Variants in RMST observed in about 807,000 individuals in gnomAD.
RMST encodes rhabdomyosarcoma 2 associated transcript.
chr12:97,563,391 A>G (rs1004439676), intron 13 of RMST: 3 of 214,182 alleles, frequency 1.4e-5, no homozygotes, highest in African/African-American at 2.4e-5. Flanking sequence ...TGAAAAGTCT[A>G]AAAGCCAGCA....
At chr12:97,511,134 G>A (rs1015849948) in intron 10 of RMST, among the ~76,000 whole-genome samples, 3 of 151,260 alleles carry the variant, frequency 2.0e-5, no homozygotes, top group Non-Finnish European at 2.9e-5. Flanking sequence ...AACTCTCTGG[G>A]AAATTGTACT....
In RMST at chr12:97,480,082, CTT is replaced by C. The variant is rs1227743397; in HGVS notation, n.645-12374_645-12373del. 1.1e-3 allele frequency among the ~76,000 whole-genome samples: 119 copies of C among 107,890 alleles called. 1 individual carries two copies. The highest frequency in any genetic ancestry group is 1.8e-3 in the Non-Finnish European group (85 of 46,740). 70.8% of individuals were successfully genotyped at this position (107,890 alleles called of 152,430 possible). ...GCTAATTTTTCTTTTCTTTTCTTTTCTTTTTTCTTTTTTTTTCTTTTTTTTTG... is the reference window on the plus strand; with the variant it reads ...GCTAATTTTTCTTTTCTTTTCTTTTCTTTTCTTTTTTTTTCTTTTTTTTTG... On this transcript the variant is annotated intron_variant and non_coding_transcript_variant, in intron 5 of 13. Transcript: ENST00000640149.
At chr12:97,493,604 A>G (rs555984830) in intron 7 of RMST, among the ~76,000 whole-genome samples, 5 of 152,302 alleles carry the variant, frequency 3.3e-5, no homozygotes, top group African/African-American at 9.6e-5. Flanking sequence ...ATTATACGAT[A>G]TAAAAGAGTC....
intron 5 of RMST, among the ~76,000 whole-genome samples, chr12:97,476,793 T>TA (rs1248604352): frequency 3.9e-5 from 6 of 151,980 alleles, no homozygotes; most frequent in Non-Finnish European, 7.4e-5. Flanking sequence ...GTTGAAGATC[T>TA]AAAAAAAGAG....
At chr12:97,511,818 CAT>C (rs1879333503) in intron 10 of RMST, among the ~76,000 whole-genome samples, 1 of 152,178 alleles carries the variant, frequency 6.6e-6, no homozygotes, top group Non-Finnish European at 1.5e-5. Context: ...CATTAAGTCT[CAT>C]AGGCTAACTA....
chr12:97,497,601 T>C (rs941838838), intron 10 of RMST, among the ~76,000 whole-genome samples: 6 of 152,114 alleles, frequency 3.9e-5, no homozygotes, highest in African/African-American at 1.4e-4. Flanking sequence ...GTTTGTTTAG[T>C]GCTTTCTGGT....
chr12:97,559,112 C>G (rs180987381), intron 11 of RMST, among the ~76,000 whole-genome samples: 57 of 151,938 alleles, frequency 3.8e-4, no homozygotes, highest in Non-Finnish European at 1.2e-4. Context: ...CTCTCTCTCT[C>G]TCTCTCTGAT....
At chr12:97,490,165 C>T (rs1459281600) in intron 5 of RMST, among the ~76,000 whole-genome samples, 2 of 152,098 alleles carry the variant, frequency 1.3e-5, no homozygotes, top group Non-Finnish European at 2.9e-5. Flanking sequence ...ATGAGCCTGG[C>T]GGACGGACAG....
chr12:97,539,760 G>A (rs1165706493), intron 11 of RMST, among the ~76,000 whole-genome samples: 1 of 151,512 alleles, frequency 6.6e-6, no homozygotes, highest in East Asian at 1.9e-4. Context: ...TCGGAACCAG[G>A]GTTATGAAAT....
chr12:97,486,328 C>T (rs1350648567), intron 5 of RMST, among the ~76,000 whole-genome samples: 1 of 117,368 alleles, frequency 8.5e-6, no homozygotes, highest in Non-Finnish European at 1.8e-5. Context: ...AAACAAGCTG[C>T]CCTAATGTGA....
chr12:97,551,951 T>C (rs1014555087), intron 11 of RMST: 1 of 152,110 alleles, frequency 6.6e-6, no homozygotes, highest in Non-Finnish European at 1.5e-5. Context: ...TATTTAACAT[T>C]GTGACATTGA....
intron 10 of RMST, among the ~76,000 whole-genome samples, chr12:97,506,547 G>T (rs1345337746): frequency 6.6e-6 from 1 of 152,106 alleles, no homozygotes; most frequent in Non-Finnish European, 1.5e-5. Context: ...TCAATAAATT[G>T]CCAGACAAAG....
chr12:97,511,733 A>G (rs1211103991), intron 10 of RMST, among the ~76,000 whole-genome samples: 1 of 152,178 alleles, frequency 6.6e-6, no homozygotes, highest in Non-Finnish European at 1.5e-5. Context: ...TTAAAAATGG[A>G]ATGATTGATC....
intron 11 of RMST, among the ~76,000 whole-genome samples, chr12:97,556,385 C>A (rs1235832326): frequency 6.6e-6 from 1 of 152,194 alleles, no homozygotes; most frequent in Non-Finnish European, 1.5e-5. Context: ...TAAAAGGCAG[C>A]TGGGCGGCCT....
chr12:97,526,211 A>G lies in RMST; in HGVS notation n.1341-4444A>G, dbSNP rs1311526447. Among the ~76,000 whole-genome samples, 7 of 152,128 alleles carry G rather than the reference A, an allele frequency of 4.6e-5. 1 individual carries two copies. Among genetic ancestry groups the G allele is most frequent in the African/African-American group, 1.7e-4 (7 of 41,448 alleles). On this transcript the variant is annotated intron_variant and non_coding_transcript_variant, in intron 10 of 13. Transcript: ENST00000640149. ...CCCACCCCACTTCCGGTCCATGGAAAAATTATCATCTGTGCAGCTGGTCCC... is the reference window on the plus strand; with the variant it reads ...CCCACCCCACTTCCGGTCCATGGAAGAATTATCATCTGTGCAGCTGGTCCC...
chr12:97,478,231 GATATTTCTCTTCTAAGATGTACACC>G (rs1317405821), intron 5 of RMST, among the ~76,000 whole-genome samples: 1 of 152,150 alleles, frequency 6.6e-6, no homozygotes, highest in Non-Finnish European at 1.5e-5. Context: ...ATTATCAGTA[GATATTTCTCTTCTAAGATGTACACC>G]ATAATTTTAT....
At chr12:97,472,087 G>T (rs969634609) in intron 5 of RMST, among the ~76,000 whole-genome samples, 1 of 152,080 alleles carries the variant, frequency 6.6e-6, no homozygotes, top group African/African-American at 2.4e-5. Flanking sequence ...TATGTGAAAG[G>T]CTGTAAGTGA....
intron 11 of RMST, among the ~76,000 whole-genome samples, chr12:97,548,430 G>T (rs1883090820): frequency 6.6e-6 from 1 of 151,946 alleles, no homozygotes; most frequent in Admixed American, 6.6e-5. Context: ...CTGTAAAAAT[G>T]CCATTGGAAT....
At chr12:97,533,908 A>T in intron 11 of RMST, 1 of 151,858 alleles carries the variant, frequency 6.6e-6, no homozygotes. Context: ...GTATTCTTTT[A>T]ACATCCTTCT....
Sources: allele counts gnomAD v4.1 joint callset (sites outside exome capture counted in the v4.1 genomes callset), GRCh38; gene constraint gnomAD v4.1.1; transcripts MANE v1.5; gene names NCBI Gene and HGNC (gene_info 2026-07-23, HGNC 2026-07-21).